FOXN3: variants seen among roughly 807,000 people sequenced by gnomAD.
FOXN3 encodes forkhead box protein N3.
FOXN3 carries 7 observed loss-of-function variants against 38.4 expected under a neutral mutation model. The ratio of observed to expected loss-of-function variants is 0.18; its 90% CI spans 0.10 to 0.34. The LOEUF (loss-of-function observed/expected upper bound fraction) is 0.34. Among genes scored for constraint, FOXN3 ranks in the 10% least tolerant of loss-of-function variants. The pLI is 1.00. For synonymous variants in FOXN3, 230 were observed against 242.2 expected, an observed-to-expected ratio of 0.95 and a Z score of 0.47; for missense variants, 456 against 613.4, an observed-to-expected ratio of 0.74 and a Z score of 2.71.
At chr14:89,229,153 C>CT (rs1884726505) in intron 4 of FOXN3, among the ~76,000 whole-genome samples, 1 of 152,140 alleles carries the variant, frequency 6.6e-6, no homozygotes, top group African/African-American at 2.4e-5. Context: ...TGGCTGCTCT[C>CT]CAGCACTCGT....
chr14:89,323,287 CAAA>C (rs60059606), intron 3 of FOXN3, among the ~76,000 whole-genome samples: 161 of 75,976 alleles, frequency 2.1e-3, no homozygotes, highest in Middle Eastern at 7.2e-3. Flanking sequence ...GACTCCATCT[CAAA>C]AAAAAAAAAA....
rs115891085 is a variant in FOXN3, at chr14:89,163,333, C to T, written c.852-364G>A. 0.011 allele frequency among the ~76,000 whole-genome samples: 1,632 copies of T among 152,272 alleles called. 23 individuals are homozygous for T. Among genetic ancestry groups the T allele is most frequent in the African/African-American group, 0.037 (1,544 of 41,544 alleles). ...CCGCCAACACCACAGAGTCAGACAC[C>T]GCCAGACGATGTTGGCTGGGTACTT... On this transcript the variant is annotated intron_variant, in intron 5 of 5. Coordinates refer to ENST00000557258, the MANE Select transcript of FOXN3 (RefSeq NM_005197.4). The surrounding 1 kb of genome is among the most constrained non-coding windows in gnomAD (Gnocchi z 4.3).
At chr14:89,503,334 G>A (rs1008535406) in intron 1 of FOXN3, among the ~76,000 whole-genome samples, 1 of 151,714 alleles carries the variant, frequency 6.6e-6, no homozygotes, top group Non-Finnish European at 1.5e-5. Context: ...CATACAGCTG[G>A]TTTATCTGAA....
intron 4 of FOXN3, among the ~76,000 whole-genome samples, chr14:89,237,989 T>A (rs1885029561): frequency 6.6e-6 from 1 of 152,228 alleles, no homozygotes; most frequent in South Asian, 2.1e-4. Flanking sequence ...TATGGGGAAG[T>A]CAGTAATGTT....
At chr14:89,347,737 A>T (rs1769322050) in intron 3 of FOXN3, among the ~76,000 whole-genome samples, 1 of 152,170 alleles carries the variant, frequency 6.6e-6, no homozygotes, top group Admixed American at 6.5e-5. Context: ...GCGGATCATG[A>T]GTTCAAGAGA....
intron 1 of FOXN3, among the ~76,000 whole-genome samples, chr14:89,535,829 CCCAAAAGG>C (rs1451493558): frequency 6.6e-6 from 1 of 152,128 alleles, no homozygotes; most frequent in Non-Finnish European, 1.5e-5. Context: ...AGAAGAACTC[CCCAAAAGG>C]ATGAAGTCAG....
At chr14:89,167,981 C>T (rs1887285288) in intron 5 of FOXN3, among the ~76,000 whole-genome samples, 1 of 152,056 alleles carries the variant, frequency 6.6e-6, no homozygotes, top group African/African-American at 2.4e-5. Flanking sequence ...ATACTGGTCC[C>T]CCAGGCTCCC....
chr14:89,407,391 T>C (rs1160280408), intron 2 of FOXN3, among the ~76,000 whole-genome samples: 1 of 152,238 alleles, frequency 6.6e-6, no homozygotes, highest in Non-Finnish European at 1.5e-5. Context: ...TAAACAGGGA[T>C]ATCTGAATAT....
At position 89,600,003 on chromosome 14, in the gene FOXN3, C is replaced by G. The variant is rs114847068; in HGVS notation, c.-15+19025G>C. The stretch of plus-strand genomic sequence containing the variant: ...GAGTTCACCTCTCTGAGTTTTCTAC[C>G]ACTTCTTACTCACCCCACCAACCCA... On this transcript the variant is annotated intron_variant, in intron 1 of 6. Coordinates refer to the FOXN3 transcript ENST00000345097. 9.2e-3 allele frequency among the ~76,000 whole-genome samples: 1,399 copies of G among 152,308 alleles called. 15 individuals are homozygous for G. Among genetic ancestry groups the G allele is most frequent in the African/African-American group, 0.032 (1,319 of 41,566 alleles).
chr14:89,585,086 CCT>C (rs1306931205), intron 1 of FOXN3, among the ~76,000 whole-genome samples: 3 of 152,124 alleles, frequency 2.0e-5, no homozygotes, highest in African/African-American at 7.2e-5. Flanking sequence ...TTCCAGTATT[CCT>C]CTTTGTGTAC....
At chr14:89,215,344 G>C (rs1884237619) in intron 4 of FOXN3, among the ~76,000 whole-genome samples, 1 of 103,622 alleles carries the variant, frequency 9.7e-6, no homozygotes, top group South Asian at 3.2e-4. Context: ...TAGGAGAATA[G>C]AGATTTTTTT....
chr14:89,609,907 G>A (rs773145499), intron 1 of FOXN3, among the ~76,000 whole-genome samples: 17 of 152,010 alleles, frequency 1.1e-4, no homozygotes, highest in Non-Finnish European at 2.2e-4. Flanking sequence ...GGGCGGCGGC[G>A]GCTGGCGGTC....
rs1216895569 is a variant in FOXN3, at chr14:89,162,689, G to A, written c.1132C>T (p.His378Tyr). 6.2e-7 allele frequency: 1 copy of A among 1,614,060 alleles called. No individual in the cohort carries two copies. Among genetic ancestry groups the A allele is most frequent in the South Asian group, 1.1e-5 (1 of 91,062 alleles). The change falls in exon 6 of 6, where the codon CAC (histidine) becomes TAC (tyrosine). Residue 378 changes from histidine (H) to tyrosine (Y), a missense_variant. Physicochemically the swap from His to Tyr is moderately conservative, Grantham distance 83. This residue lies in a region of FOXN3 where 386 missense variants were observed against 505.2 expected (regional missense o/e 0.76). Coordinates refer to ENST00000557258, the MANE Select transcript of FOXN3 (RefSeq NM_005197.4). This position sits in a 1 kb window ranked among gnomAD's most constrained non-coding sequence, Gnocchi z 7.2. ...GAATCCTTGGGCTCCTTCTGGCTGT[G>A]CTTCCTGTCGTCCTCTTCCGTGTCG... ...PSDTEEDDRK[H>Y]SQKEPKDSLG...
At chr14:89,213,845 G>A (rs1884178664) in intron 4 of FOXN3, among the ~76,000 whole-genome samples, 1 of 152,144 alleles carries the variant, frequency 6.6e-6, no homozygotes, top group Non-Finnish European at 1.5e-5. Flanking sequence ...TGGTGCAGTT[G>A]CTTAAGGCTA....
At chr14:89,188,650 T>C (rs1017075404) in intron 4 of FOXN3, among the ~76,000 whole-genome samples, 3 of 152,232 alleles carry the variant, frequency 2.0e-5, no homozygotes, top group Non-Finnish European at 4.4e-5. Flanking sequence ...GAAGTATTTT[T>C]GTGAAACTAA....
intron 4 of FOXN3, among the ~76,000 whole-genome samples, chr14:89,191,499 A>G (rs1229447638): frequency 6.6e-6 from 1 of 152,212 alleles, no homozygotes; most frequent in Non-Finnish European, 1.5e-5. Context: ...ATGACTAATG[A>G]TGGGGGACAA....
intron 1 of FOXN3, among the ~76,000 whole-genome samples, chr14:89,439,974 C>T (rs1345211343): frequency 6.6e-6 from 1 of 152,136 alleles, no homozygotes; most frequent in Non-Finnish European, 1.5e-5. Context: ...TCTTAATAAA[C>T]TTGCTTTCAC....
At chr14:89,336,627 CTG>C (rs1566960121) in intron 3 of FOXN3, among the ~76,000 whole-genome samples, 1 of 152,176 alleles carries the variant, frequency 6.6e-6, no homozygotes, top group East Asian at 1.9e-4. Context: ...CTCTCACATG[CTG>C]TCTGTATACC....
chr14:89,230,327 C>T (rs1884769366), intron 4 of FOXN3, among the ~76,000 whole-genome samples: 1 of 152,218 alleles, frequency 6.6e-6, no homozygotes, highest in Admixed American at 6.5e-5. Flanking sequence ...TTACTTCACT[C>T]TGTTTCTTTT....
Sources: gnomAD v4.1 joint callset for allele counts (sites outside exome capture counted in the v4.1 genomes callset) on GRCh38, gnomAD v4.1.1 for gene constraint, gnomAD v4.1.1 regional missense constraint, Gnocchi (gnomAD v3.1) non-coding constraint, MANE v1.5 for transcripts, NCBI Gene and HGNC (gene_info 2026-07-23, HGNC 2026-07-21) for gene names.